The following SYNCRIP variants were observed in gnomAD, a reference collection of about 807,000 sequenced individuals.
SYNCRIP encodes synaptotagmin binding cytoplasmic RNA interacting protein, also known as heterogeneous nuclear ribonucleoprotein Q.
In SYNCRIP, 9 loss-of-function variants were observed where a neutral mutation model predicts 68.9. That is an observed-to-expected ratio of 0.13 (90% confidence interval 0.08 to 0.23). The LOEUF is 0.23. SYNCRIP is among the 10% of genes least tolerant of loss of function. The pLI, the probability that SYNCRIP is intolerant of heterozygous loss-of-function variation, is 1.00. For missense variants in SYNCRIP, 414 were observed against 770.6 expected (o/e 0.54, Z 5.48); for synonymous variants, 258 against 254.0 (o/e 1.02, Z -0.15).
At chr6:85,623,752 C>A (rs1409657639) in intron 7 of SYNCRIP, among the ~76,000 whole-genome samples, 1 of 152,064 alleles carries the variant, frequency 6.6e-6, no homozygotes, top group Non-Finnish European at 1.5e-5. Context: ...AATTCAAACC[C>A]TAGCTGTATT....
chr6:85,637,883 T>G (rs748431333), intron 4 of SYNCRIP, among the ~76,000 whole-genome samples: 7 of 152,176 alleles, frequency 4.6e-5, no homozygotes, highest in African/African-American at 9.7e-5. Flanking sequence ...TTATTTGACA[T>G]TTACGTGCCA....
Position 85,640,582 on chromosome 6 carries a change from T to G in SYNCRIP, c.149-18A>C. On this transcript the variant is annotated intron_variant, in intron 2 of 10. Coordinates refer to ENST00000369622, the MANE Select transcript of SYNCRIP (RefSeq NM_006372.5). Reference sequence around the variant, plus strand: ...AACTAGCCCTGAAAAAAATAAAAGTTATCAGCTTTTAATATTTTTAGAAAA... The same window carrying G: ...AACTAGCCCTGAAAAAAATAAAAGTGATCAGCTTTTAATATTTTTAGAAAA... 2 of 1,472,044 alleles carry G rather than the reference T, an allele frequency of 1.4e-6. No individual in the cohort carries two copies. The highest frequency in any genetic ancestry group is 1.8e-6 in the Non-Finnish European group (2 of 1,082,968). 91.2% of individuals were successfully genotyped at this position (1,472,044 alleles called of 1,614,324 possible). A position where few individuals can be genotyped will look rare whatever the true frequency, so the allele number is the denominator to read the frequency against.
intron 7 of SYNCRIP, 116 bp downstream of exon 7, chr6:85,623,861 G>T: frequency 7.9e-7 from 1 of 1,269,122 alleles, no homozygotes; most frequent in Non-Finnish European, 1.1e-6. Flanking sequence ...TTCAAAAGTT[G>T]TAGTGAGGAT....
downstream of SYNCRIP, chr6:85,613,909 T>A (rs1251976136): frequency 1.1e-6 from 1 of 940,808 alleles, no homozygotes. Context: ...TGAGACTACC[T>A]GAATTTGTCC....
chr6:85,635,241 T>G (rs2128298885), intron 6 of SYNCRIP, among the ~76,000 whole-genome samples: 1 of 152,168 alleles, frequency 6.6e-6, no homozygotes, highest in South Asian at 2.1e-4. Context: ...CCCCTCAAAT[T>G]GAACTGCTGA....
Position 85,619,402 on chromosome 6 carries a change from C to A in SYNCRIP, c.1024G>T (p.Val342Leu). The change falls in exon 9 of 11, where the codon GTA becomes TTA. Residue 342 changes from valine to leucine, a missense_variant. Physicochemically the swap from Val to Leu is conservative, Grantham distance 32. Around this residue, in one of 6 missense-constraint regions of SYNCRIP, gnomAD observed 51 missense variants for 151.1 expected, o/e 0.34. Coordinates refer to ENST00000369622, the MANE Select transcript of SYNCRIP (RefSeq NM_006372.5). Reference sequence around the variant, plus strand: ...GTTACAGTATTGGCAAGGTTGCGTACAAACAGCACTTTTACCTAGGGGGAA... The same window carrying A: ...GTTACAGTATTGGCAAGGTTGCGTAAAAACAGCACTTTTACCTAGGGGGAA... ...EVMAKVKVLF[V>L]RNLANTVTEE... The A allele has an allele frequency of 6.2e-7, 1 of 1,612,494 alleles. No individual in the cohort carries two copies. Among genetic ancestry groups the A allele is most frequent in the Non-Finnish European group, 8.5e-7 (1 of 1,179,760 alleles).
At position 85,641,468 on chromosome 6, in the gene SYNCRIP, A is replaced by G; in HGVS notation, c.-12-17T>C. On this transcript the variant is annotated splice_polypyrimidine_tract_variant and intron_variant, in intron 1 of 10. Transcript: ENST00000369622. The stretch of plus-strand genomic sequence containing the variant: ...TCCAGAGATCTGTTCAAACGCAATA[A>G]GCAAAATTAAACTAGGATCTTCAAA... 6.3e-7 allele frequency: 1 copy of G among 1,595,148 alleles called. No individual in the cohort carries two copies.
intron 6 of SYNCRIP, among the ~76,000 whole-genome samples, chr6:85,625,380 G>GC (rs1554185291): frequency 6.4e-5 from 9 of 141,566 alleles, no homozygotes; most frequent in Non-Finnish European, 1.1e-4. Flanking sequence ...AACATACAGG[G>GC]TTTTTTTTTT....
chr6:85,626,942 G>A (rs559957860), intron 6 of SYNCRIP, among the ~76,000 whole-genome samples: 33 of 152,200 alleles, frequency 2.2e-4, no homozygotes, highest in Admixed American at 1.4e-3. Flanking sequence ...AAAATAAACT[G>A]CTGATTCCTC....
intron 8 of SYNCRIP, among the ~76,000 whole-genome samples, chr6:85,622,209 TA>T (rs372171036): frequency 6.6e-6 from 1 of 151,458 alleles, no homozygotes; most frequent in Non-Finnish European, 1.5e-5. Flanking sequence ...CCAGCTCTAC[TA>T]AAAAAAACAC....
At chr6:85,612,112 A>C (rs926420047), downstream of SYNCRIP, 1 of 152,176 alleles carries the variant, frequency 6.6e-6, no homozygotes, top group African/African-American at 2.4e-5. Flanking sequence ...GTCATGAGGA[A>C]GTCTTACAAG....
downstream of SYNCRIP, among the ~76,000 whole-genome samples, chr6:85,613,587 A>G (rs1293869537): frequency 6.6e-6 from 1 of 152,206 alleles, no homozygotes; most frequent in Admixed American, 6.5e-5. Flanking sequence ...CAAAAATCCA[A>G]ACTATTAGAT....
rs1808273063 is a variant in SYNCRIP, at chr6:85,634,912, G to A, written c.666+2055C>T. Among the ~76,000 whole-genome samples the A allele has an allele frequency of 2.6e-5, 4 of 152,184 alleles. No homozygotes were observed. In the South Asian group the frequency reaches 8.3e-4, roughly 31 times the overall value. On this transcript the variant is annotated intron_variant, in intron 6 of 10. Transcript: ENST00000369622. The stretch of plus-strand genomic sequence containing the variant: ...CTGCCAGGCACAGTGGCTCATGCCT[G>A]TCATCCCAGCACTTTGGGAGGCCAA...
chr6:85,622,722 G>T (rs751233419), intron 7 of SYNCRIP, 35 bp from the exon 8 acceptor site: 4 of 1,522,438 alleles, frequency 2.6e-6, no homozygotes, highest in Non-Finnish European at 3.6e-6. Context: ...AAAATTAGAT[G>T]AAATAACTAG....
At chr6:85,638,727 G>A (rs919481064) in intron 4 of SYNCRIP, among the ~76,000 whole-genome samples, 2 of 152,120 alleles carry the variant, frequency 1.3e-5, no homozygotes, top group African/African-American at 2.4e-5. Context: ...AACTAAATGA[G>A]TAATAGCTCA....
chr6:85,631,372 A>C (rs1042624571), intron 6 of SYNCRIP, among the ~76,000 whole-genome samples: 15 of 150,758 alleles, frequency 9.9e-5, no homozygotes, highest in African/African-American at 3.2e-4. Context: ...GGCTTAAAGA[A>C]GGCGAAACAT....
chr6:85,634,581 G>GTT (rs11378102), intron 6 of SYNCRIP, among the ~76,000 whole-genome samples: 117 of 145,322 alleles, frequency 8.1e-4, no homozygotes, highest in East Asian at 1.8e-3. Flanking sequence ...CTGGTGTGTT[G>GTT]TTTTTTTTTT....
chr6:85,612,950 T>C, downstream of SYNCRIP: 3 of 1,549,762 alleles, frequency 1.9e-6, no homozygotes, highest in Non-Finnish European at 1.7e-6. Context: ...AGGAATCAGT[T>C]AGATAAATCA....
rs1805508496 is a variant in SYNCRIP at position 85,614,197 on chromosome 6, C to T, written c.*559G>A. On this transcript the variant is annotated 3_prime_UTR_variant, in exon 11 of 11. Coordinates refer to ENST00000369622, the MANE Select transcript of SYNCRIP (RefSeq NM_006372.5). ...AATTTTGTGAAAAACGAATTGTAAA[C>T]ACAATTTTAGTAAGTATACATTTAG... 2.0e-6 allele frequency: 2 copies of T among 985,516 alleles called. No individual in the cohort carries two copies. Among genetic ancestry groups the T allele is most frequent in the African/African-American group, 1.7e-5 (1 of 57,316 alleles). 61.0% of individuals were successfully genotyped at this position (985,516 alleles called of 1,614,324 possible).
Sources: gnomAD v4.1 joint callset for allele counts (sites outside exome capture counted in the v4.1 genomes callset) on GRCh38, gnomAD v4.1.1 for gene constraint, gnomAD v4.1.1 regional missense constraint, MANE v1.5 for transcripts, NCBI Gene and HGNC (gene_info 2026-07-23, HGNC 2026-07-21) for gene names.